PIP4K2A: variants seen among roughly 807,000 people sequenced by gnomAD.
PIP4K2A encodes phosphatidylinositol-5-phosphate 4-kinase type 2 alpha.
In PIP4K2A, 14 loss-of-function variants were observed where a neutral mutation model predicts 42.9. That is an observed-to-expected ratio of 0.33 (90% CI 0.22 to 0.51). The LOEUF (loss-of-function observed/expected upper bound fraction) is 0.51, where lower values mean the gene tolerates loss of function less well. Ranked by LOEUF, PIP4K2A falls within the 20% of genes least tolerant of loss-of-function variation. The pLI, the probability that PIP4K2A is intolerant of heterozygous loss-of-function variation, is 0.97. For synonymous variants in PIP4K2A, 192 were observed against 192.2 expected (o/e 1.00, Z 0.01); for missense variants, 434 against 519.8 (o/e 0.83, Z 1.61).
chr10:22,608,360 G>T (rs906366654), intron 2 of PIP4K2A, among the ~76,000 whole-genome samples: 3 of 152,186 alleles, frequency 2.0e-5, no homozygotes, highest in African/African-American at 7.2e-5. Flanking sequence ...AATGGCGGGA[G>T]AGTGAGTTAG....
intron 9 of PIP4K2A, 145 bp from the exon 10 acceptor site, chr10:22,537,426 T>A: frequency 1.5e-6 from 1 of 646,708 alleles, no homozygotes; most frequent in Non-Finnish European, 2.7e-6. Flanking sequence ...CTGAAAAACA[T>A]CACTCAAAAT....
At chr10:22,689,453 T>C (rs927663487) in intron 1 of PIP4K2A, among the ~76,000 whole-genome samples, 1 of 152,206 alleles carries the variant, frequency 6.6e-6, no homozygotes, top group East Asian at 1.9e-4. Context: ...ACAGACTTTT[T>C]TTCGTGCCAT....
rs185753073 is a variant in PIP4K2A, at chr10:22,649,814, C to T, written c.145-40097G>A. 2.0e-5 allele frequency among the ~76,000 whole-genome samples: 3 copies of T among 152,270 alleles called. No homozygotes were observed. The East Asian group carries it at 5.8e-4, about 29-fold the overall frequency. The stretch of plus-strand genomic sequence containing the variant: ...CAGCACAGGCAGGTGGAAGGACCTG[C>T]CCCCAGGAAAAATACTTATGTAGAT... On this transcript the variant is annotated intron_variant, in intron 1 of 9. Transcript: ENST00000376573.
At chr10:22,649,417 TG>T (rs1370776348) in intron 1 of PIP4K2A, among the ~76,000 whole-genome samples, 1 of 152,210 alleles carries the variant, frequency 6.6e-6, no homozygotes. Context: ...GTGGAGTTAC[TG>T]TTGAACTTGA....
At chr10:22,568,106 T>C (rs1282698061) in intron 5 of PIP4K2A, among the ~76,000 whole-genome samples, 4 of 152,280 alleles carry the variant, frequency 2.6e-5, no homozygotes, top group Non-Finnish European at 4.4e-5. Context: ...TGGCCGCTTC[T>C]CTAGCCCTGA....
At chr10:22,573,557 A>C (rs1588635015) in intron 4 of PIP4K2A, 100 bp from the exon 5 acceptor site, 23 of 1,027,550 alleles carry the variant, frequency 2.2e-5, no homozygotes. Context: ...CAAAGTGAAA[A>C]CCTCCAGCCA....
intron 1 of PIP4K2A, among the ~76,000 whole-genome samples, chr10:22,620,117 A>G (rs1233266573): frequency 6.6e-6 from 1 of 152,226 alleles, no homozygotes; most frequent in Non-Finnish European, 1.5e-5. Flanking sequence ...TTAATTTATA[A>G]CATAGACACA....
rs1395521069 is a variant in PIP4K2A, at chr10:22,607,657, A to C, written c.339+270T>G. ...CTGTTAATTTCCACCTGGAAATGAG[A>C]GTATTATATAAAACCCTCACATGCT... On this transcript the variant is annotated intron_variant, in intron 3 of 9. Coordinates refer to ENST00000376573, the MANE Select transcript of PIP4K2A (RefSeq NM_005028.5). Among the ~76,000 whole-genome samples the C allele has an allele frequency of 2.0e-5, 3 of 152,278 alleles. No individual in the cohort carries two copies. In the East Asian group the frequency reaches 5.8e-4, roughly 29 times the overall value.
chr10:22,591,521 T>C (rs1837510244), intron 4 of PIP4K2A, 108 bp downstream of exon 4: 2 of 857,016 alleles, frequency 2.3e-6, no homozygotes, highest in African/African-American at 1.7e-5. Context: ...TTATGTGAAA[T>C]GTGTTCTTCT....
chr10:22,592,573 G>A, intron 3 of PIP4K2A, among the ~76,000 whole-genome samples: 1 of 152,198 alleles, frequency 6.6e-6, no homozygotes. Context: ...GACGGGCTCT[G>A]AGTAGGGGCT....
intron 5 of PIP4K2A, among the ~76,000 whole-genome samples, chr10:22,570,439 G>C (rs1186476901): frequency 6.6e-6 from 1 of 152,226 alleles, no homozygotes; most frequent in Non-Finnish European, 1.5e-5. Flanking sequence ...GAAAAGAGCT[G>C]GTGCTGGCAA....
At chr10:22,705,093 G>A (rs935539095) in intron 1 of PIP4K2A, among the ~76,000 whole-genome samples, 5 of 151,964 alleles carry the variant, frequency 3.3e-5, no homozygotes, top group Non-Finnish European at 5.9e-5. Context: ...AGGGAAGGAC[G>A]GGGTGGGGGA....
intron 6 of PIP4K2A, among the ~76,000 whole-genome samples, chr10:22,556,117 A>C (rs950143812): frequency 2.0e-5 from 3 of 152,222 alleles, no homozygotes; most frequent in African/African-American, 4.8e-5. Context: ...TTTGGAAGAC[A>C]CTTTTGTCAC....
chr10:22,704,134 TAAA>T (rs1389606772), intron 1 of PIP4K2A, among the ~76,000 whole-genome samples: 1 of 152,054 alleles, frequency 6.6e-6, no homozygotes, highest in Non-Finnish European at 1.5e-5. Context: ...TAAAATGGTA[TAAA>T]AAGCCATGAG....
At chr10:22,708,657 A>G (rs777020678) in intron 1 of PIP4K2A, among the ~76,000 whole-genome samples, 1 of 152,210 alleles carries the variant, frequency 6.6e-6, no homozygotes, top group African/African-American at 2.4e-5. Flanking sequence ...CCTTAGTGGT[A>G]AAGTTCTTCC....
chr10:22,651,087 G>A (rs2130811763), intron 1 of PIP4K2A, among the ~76,000 whole-genome samples: 1 of 152,230 alleles, frequency 6.6e-6, no homozygotes, highest in South Asian at 2.1e-4. Context: ...GGCTAAAAAG[G>A]CACTCTTACC....
At chr10:22,561,141 T>C (rs1014013743) in intron 6 of PIP4K2A, among the ~76,000 whole-genome samples, 3 of 152,128 alleles carry the variant, frequency 2.0e-5, no homozygotes, top group Non-Finnish European at 4.4e-5. Context: ...TGCCCTTCCA[T>C]TAAAAAGGAA....
intron 1 of PIP4K2A, among the ~76,000 whole-genome samples, chr10:22,682,402 A>G (rs544063479): frequency 2.0e-5 from 3 of 152,324 alleles, no homozygotes; most frequent in African/African-American, 7.2e-5. Flanking sequence ...TTTCTAGAAA[A>G]GGCCAGCAAT....
chr10:22,549,552 C>CT (rs1241727953), intron 7 of PIP4K2A, among the ~76,000 whole-genome samples: 1 of 151,834 alleles, frequency 6.6e-6, no homozygotes, highest in South Asian at 2.1e-4. Flanking sequence ...AGAAAATAAC[C>CT]TTTTTTTGGC....
Sources: gnomAD v4.1 joint callset for allele counts (sites outside exome capture counted in the v4.1 genomes callset) on GRCh38, gnomAD v4.1.1 for gene constraint, MANE v1.5 for transcripts, NCBI Gene and HGNC (gene_info 2026-07-23, HGNC 2026-07-21) for gene names.